The following CDYL2 variants were observed in gnomAD, a reference collection of about 807,000 sequenced individuals.
CDYL2 encodes the protein chromodomain Y like 2.
CDYL2 carries 23 observed loss-of-function variants against 49.4 expected under a neutral mutation model. The observed-to-expected ratio is 0.47, with a 90% CI of 0.34 to 0.66. CDYL2 has a LOEUF of 0.66. Ranked by LOEUF, CDYL2 falls within the 30% of genes least tolerant of loss-of-function variation. The pLI, the probability that CDYL2 is intolerant of heterozygous loss-of-function variation, is 0.01. For synonymous variants in CDYL2, 360 were observed against 268.8 expected, an observed-to-expected ratio of 1.34 and a Z score of -3.32; for missense variants, 678 against 656.4, an observed-to-expected ratio of 1.03 and a Z score of -0.36.
At chr16:80,760,177 T>C (rs1433082593) in intron 1 of CDYL2, among the ~76,000 whole-genome samples, 1 of 152,238 alleles carries the variant, frequency 6.6e-6, no homozygotes, top group Admixed American at 6.5e-5. Flanking sequence ...TGCATTAATC[T>C]ATTGTGCGAG....
intron 1 of CDYL2, among the ~76,000 whole-genome samples, chr16:80,779,049 T>C (rs1004643194): frequency 4.6e-5 from 7 of 151,960 alleles, no homozygotes; most frequent in African/African-American, 1.7e-4. Flanking sequence ...CTTACATATT[T>C]TGTCATGAGG....
intron 1 of CDYL2, among the ~76,000 whole-genome samples, chr16:80,730,129 C>A (rs1056850930): frequency 3.3e-5 from 5 of 151,836 alleles, no homozygotes; most frequent in Non-Finnish European, 5.9e-5. Context: ...AATAGAGACA[C>A]AAAAAACCCT....
intron 1 of CDYL2, among the ~76,000 whole-genome samples, chr16:80,739,674 C>T (rs1472236759): frequency 6.6e-6 from 1 of 152,160 alleles, no homozygotes; most frequent in Non-Finnish European, 1.5e-5. Context: ...GCCACCCACA[C>T]CAGCCCATGG....
chr16:80,669,610 G>C (rs1909414254), intron 2 of CDYL2, among the ~76,000 whole-genome samples: 1 of 152,270 alleles, frequency 6.6e-6, no homozygotes, highest in East Asian at 1.9e-4. Flanking sequence ...AGAATTGGGA[G>C]CTAGGACATC....
chr16:80,714,394 T>G (rs1298926389), intron 1 of CDYL2, among the ~76,000 whole-genome samples: 1 of 152,226 alleles, frequency 6.6e-6, no homozygotes, highest in East Asian at 1.9e-4. Context: ...TTAACCTTAT[T>G]TGATTGCTAT....
At chr16:80,797,565 T>C (rs1017152677) in intron 1 of CDYL2, among the ~76,000 whole-genome samples, 2 of 152,194 alleles carry the variant, frequency 1.3e-5, no homozygotes, top group African/African-American at 4.8e-5. Flanking sequence ...CTTACCTTTT[T>C]TTTTCCAGCA....
intron 1 of CDYL2, among the ~76,000 whole-genome samples, chr16:80,757,134 A>C (rs1337414504): frequency 2.0e-5 from 3 of 152,224 alleles, no homozygotes; most frequent in Non-Finnish European, 2.9e-5. Context: ...GGACAGACAG[A>C]GAAAATGACC....
intron 1 of CDYL2, among the ~76,000 whole-genome samples, chr16:80,736,929 T>C (rs886157015): frequency 2.6e-5 from 4 of 152,214 alleles, no homozygotes; most frequent in Non-Finnish European, 5.9e-5. Context: ...TTTCCATTTA[T>C]CCTCTGTTGG....
intron 3 of CDYL2, among the ~76,000 whole-genome samples, chr16:80,629,020 G>T (rs997327681): frequency 6.6e-6 from 1 of 152,208 alleles, no homozygotes; most frequent in Non-Finnish European, 1.5e-5. Context: ...CCCCGGGGCA[G>T]GTGTAAGCAT....
At chr16:80,804,731 G>C (rs1908049172), upstream of CDYL2, among the ~76,000 whole-genome samples, 1 of 149,500 alleles carries the variant, frequency 6.7e-6, no homozygotes, top group South Asian at 2.1e-4. Context: ...ACCCCGGGCC[G>C]GCTTCGGGAG....
rs2142346997 is a variant in CDYL2, at chr16:80,599,191, G to C, written c.*5197C>G. 1 of 152,278 alleles carries C rather than the reference G, an allele frequency of 6.6e-6. No individual in the cohort carries two copies. The highest frequency in any genetic ancestry group is 2.1e-4 in the South Asian group (1 of 4,826). 9.4% of individuals were successfully genotyped at this position (152,278 alleles called of 1,614,324 possible). On this transcript the variant is annotated 3_prime_UTR_variant, in exon 7 of 7. Transcript: ENST00000570137. ...ACACCAGAGGTGAAGTTGAAAACTAGATATGGGTTTTTCTGACTGCCACAC... is the reference window on the plus strand; with the variant it reads ...ACACCAGAGGTGAAGTTGAAAACTACATATGGGTTTTTCTGACTGCCACAC...
At chr16:80,617,467 C>A (rs1906882256) in intron 4 of CDYL2, among the ~76,000 whole-genome samples, 1 of 152,206 alleles carries the variant, frequency 6.6e-6, no homozygotes. Context: ...ATGAATCAAG[C>A]TCCTTTCAAT....
intron 2 of CDYL2, among the ~76,000 whole-genome samples, chr16:80,676,556 G>A (rs1567566641): frequency 6.6e-6 from 1 of 152,202 alleles, no homozygotes; most frequent in Non-Finnish European, 1.5e-5. Context: ...AAGCAGTGGT[G>A]ATTCTAAAGG....
At chr16:80,690,749 A>G (rs576214393) in intron 1 of CDYL2, among the ~76,000 whole-genome samples, 1 of 152,072 alleles carries the variant, frequency 6.6e-6, no homozygotes, top group African/African-American at 2.4e-5. Context: ...TCTTTCCATC[A>G]CTTCGGATTA....
intron 1 of CDYL2, among the ~76,000 whole-genome samples, chr16:80,779,178 T>C (rs975800415): frequency 6.6e-6 from 1 of 152,052 alleles, no homozygotes; most frequent in Non-Finnish European, 1.5e-5. Context: ...CTGCCATAAA[T>C]GTTTAAATTA....
At chr16:80,725,690 T>A (rs1251735210) in intron 1 of CDYL2, among the ~76,000 whole-genome samples, 2 of 152,222 alleles carry the variant, frequency 1.3e-5, no homozygotes, top group African/African-American at 4.8e-5. Flanking sequence ...TGAGAAACCC[T>A]AACCCGGACT....
At position 80,608,706 on chromosome 16, in the gene CDYL2, G is replaced by A. The variant is rs114553350; in HGVS notation, c.1219-471C>T. Among the ~76,000 whole-genome samples the A allele has an allele frequency of 9.2e-3, 1,406 of 152,276 alleles. 25 individuals carry two copies. Among genetic ancestry groups the A allele is most frequent in the African/African-American group, 0.032 (1,346 of 41,560 alleles). ...AAGTCTTTCTTCCTCTGTGACTGCAGGCTAACATCAGTGAGCCCAAGGACC... is the reference window on the plus strand; with the variant it reads ...AAGTCTTTCTTCCTCTGTGACTGCAAGCTAACATCAGTGAGCCCAAGGACC... On this transcript the variant is annotated intron_variant, in intron 5 of 6. Transcript: ENST00000570137.
At chr16:80,750,860 A>AG (rs1906109682) in intron 1 of CDYL2, among the ~76,000 whole-genome samples, 1 of 152,150 alleles carries the variant, frequency 6.6e-6, no homozygotes, top group Admixed American at 6.6e-5. Context: ...CTACTAAAAA[A>AG]ATACAAAAAA....
rs538987580 is a variant in CDYL2, at chr16:80,695,852, C to T, written c.25-10723G>A. ...CTCAGCACGAGACAGATCAAGCAGG[C>T]AGAAAATCAACAAACATCAGCTTTA... On this transcript the variant is annotated intron_variant, in intron 1 of 6. Transcript: ENST00000570137. 2.6e-5 allele frequency among the ~76,000 whole-genome samples: 4 copies of T among 152,262 alleles called. No individual in the cohort carries two copies. In the East Asian group the frequency reaches 7.7e-4, roughly 29 times the overall value.
Sources: gnomAD v4.1 joint callset for allele counts (sites outside exome capture counted in the v4.1 genomes callset) on GRCh38, gnomAD v4.1.1 for gene constraint, MANE v1.5 for transcripts, NCBI Gene and HGNC (gene_info 2026-07-23, HGNC 2026-07-21) for gene names.